CNTN6: variants seen among roughly 807,000 people sequenced by gnomAD.
The protein encoded by CNTN6 is contactin 6.
Under a neutral mutation model 122.8 loss-of-function variants are expected in CNTN6, and 137 were observed. The ratio of observed to expected loss-of-function variants is 1.12; its 90% CI spans 0.97 to 1.29. The LOEUF (loss-of-function observed/expected upper bound fraction) is 1.29. Ranked by LOEUF, CNTN6 falls within the 50% of genes most tolerant of loss-of-function variation. The pLI is 0.00. For synonymous variants in CNTN6, 570 were observed against 426.0 expected, an observed-to-expected ratio of 1.34 and a Z score of -4.16; for missense variants, 1,634 against 1,223.4, an observed-to-expected ratio of 1.34 and a Z score of -5.01.
At chr3:1,216,437 C>T (rs1159275960) in intron 2 of CNTN6, among the ~76,000 whole-genome samples, 1 of 151,976 alleles carries the variant, frequency 6.6e-6, no homozygotes, top group African/African-American at 2.4e-5. Context: ...AGGATATGTT[C>T]CTTTTCTTTT....
chr3:1,303,540 T>A (rs1337174661), intron 7 of CNTN6, among the ~76,000 whole-genome samples: 1 of 152,196 alleles, frequency 6.6e-6, no homozygotes, highest in Admixed American at 6.5e-5. Context: ...CTTTCCTAAA[T>A]AGCATCTAAA....
intron 2 of CNTN6, among the ~76,000 whole-genome samples, chr3:1,168,601 G>C (rs2093303886): frequency 6.6e-6 from 1 of 151,676 alleles, no homozygotes; most frequent in African/African-American, 2.4e-5. Context: ...GAATGTTGAG[G>C]GGCTCTGGGT....
At chr3:1,100,863 A>T (rs1305143998) in intron 1 of CNTN6, among the ~76,000 whole-genome samples, 1 of 151,980 alleles carries the variant, frequency 6.6e-6, no homozygotes, top group Non-Finnish European at 1.5e-5. Context: ...TTAGATTGTG[A>T]TTGTTTTACT....
intron 1 of CNTN6, among the ~76,000 whole-genome samples, chr3:1,116,862 G>C (rs1318951951): frequency 6.6e-6 from 1 of 151,934 alleles, no homozygotes; most frequent in Non-Finnish European, 1.5e-5. Context: ...CTGCCACCAC[G>C]CATGGCTAAT....
intron 7 of CNTN6, among the ~76,000 whole-genome samples, chr3:1,306,989 C>T (rs1246468561): frequency 6.6e-6 from 1 of 152,136 alleles, no homozygotes; most frequent in Non-Finnish European, 1.5e-5. Flanking sequence ...GTATTGAATA[C>T]CTCATTCCAT....
rs115101191 is a variant in CNTN6, at chr3:1,257,776, G to C, written c.359-20637G>C. Among the ~76,000 whole-genome samples the C allele has an allele frequency of 1.4e-3, 213 of 152,272 alleles. 1 individual carries two copies. Among genetic ancestry groups the C allele is most frequent in the African/African-American group, 4.6e-3 (193 of 41,560 alleles). On this transcript the variant is annotated intron_variant, in intron 4 of 22. Transcript: ENST00000446702. ...ATTCTACAAAGCTCAAAGCTACACC[G>C]AAGGGTCATATTTCTCCTCTAGAGA...
chr3:1,293,393 C>G (rs1695663068), intron 5 of CNTN6, among the ~76,000 whole-genome samples: 1 of 151,722 alleles, frequency 6.6e-6, no homozygotes, highest in Non-Finnish European at 1.5e-5. Flanking sequence ...GAGTTTGTCT[C>G]TATAGATCAG....
chr3:1,235,246 T>C (rs2094406616), intron 4 of CNTN6, among the ~76,000 whole-genome samples: 1 of 152,154 alleles, frequency 6.6e-6, no homozygotes, highest in Non-Finnish European at 1.5e-5. Flanking sequence ...CTATCAAAAC[T>C]GGGAGTTTCT....
In CNTN6 at chr3:1,348,157, CAAAAAA is replaced by C. The variant is rs532282828; in HGVS notation, c.1365-4153_1365-4148del. Reference sequence around the variant, plus strand: ...AATATTAGTATTTCTATGCTATAGACAAAAAAAAAAAAAAAAAAAGGACTTGGGCCA... The same window carrying C: ...AATATTAGTATTTCTATGCTATAGACAAAAAAAAAAAAAGGACTTGGGCCA... On this transcript the variant is annotated intron_variant, in intron 11 of 22. Coordinates refer to ENST00000446702, the MANE Select transcript of CNTN6 (RefSeq NM_001289080.2). 9.3e-5 allele frequency among the ~76,000 whole-genome samples: 6 copies of C among 64,288 alleles called. 1 individual carries two copies. The highest frequency in any genetic ancestry group is 1.7e-4 in the Non-Finnish European group (6 of 35,510). 42.2% of individuals were successfully genotyped at this position (64,288 alleles called of 152,430 possible).
intron 2 of CNTN6, among the ~76,000 whole-genome samples, chr3:1,154,217 G>A (rs1447795615): frequency 1.3e-5 from 2 of 152,104 alleles, no homozygotes; most frequent in African/African-American, 4.8e-5. Context: ...TCAGCACTGG[G>A]GGGAAATGAT....
chr3:1,338,310 C>T (rs17037967), intron 11 of CNTN6, among the ~76,000 whole-genome samples: 4,734 of 152,170 alleles, frequency 0.031, 124 homozygotes, highest in South Asian at 0.053. Context: ...TGATCATGCA[C>T]CATAAGAATC....
At chr3:1,288,628 T>C (rs1455892793) in intron 5 of CNTN6, among the ~76,000 whole-genome samples, 4 of 152,242 alleles carry the variant, frequency 2.6e-5, no homozygotes. Flanking sequence ...AAACATGCTA[T>C]CAATTTTGAG....
Position 1,383,136 on chromosome 3 carries a change from A to G in CNTN6, c.2361A>G (p.Gly787=), listed in dbSNP as rs755977768. 3.1e-6 allele frequency: 5 copies of G among 1,614,008 alleles called. No homozygotes were observed. Among genetic ancestry groups the G allele is most frequent in the Non-Finnish European group, 3.4e-6 (4 of 1,179,944 alleles). Residue 787 remains glycine, a synonymous_variant, in exon 18 of 23, where the codon GGA becomes GGG. Transcript: ENST00000446702. ...KVGVYNNEGE[G]SLSTVTIVYS... is the part of the protein sequence containing the mutation. ...GTGTGTATAATAATGAAGGAGAAGGATCCCTGAGTACTGTGACCATTGTCT... is the reference window on the plus strand; with the variant it reads ...GTGTGTATAATAATGAAGGAGAAGGGTCCCTGAGTACTGTGACCATTGTCT...
At chr3:1,209,535 T>C in intron 2 of CNTN6, among the ~76,000 whole-genome samples, 1 of 152,216 alleles carries the variant, frequency 6.6e-6, no homozygotes, top group East Asian at 1.9e-4. Flanking sequence ...AACTGATGCT[T>C]GATGTTCAAG....
chr3:1,328,762 T>C (rs1269830152), intron 10 of CNTN6, among the ~76,000 whole-genome samples: 1 of 151,704 alleles, frequency 6.6e-6, no homozygotes, highest in Non-Finnish European at 1.5e-5. Context: ...GAGCATGGCA[T>C]ACCCGAAAGA....
intron 20 of CNTN6, among the ~76,000 whole-genome samples, chr3:1,396,949 A>T (rs780947201): frequency 2.0e-5 from 3 of 152,244 alleles, no homozygotes; most frequent in African/African-American, 7.2e-5. Flanking sequence ...TTGTAATCTG[A>T]TATTTGATCT....
chr3:1,234,704 AC>A (rs574620368), intron 4 of CNTN6, among the ~76,000 whole-genome samples: 6,320 of 110,796 alleles, frequency 0.057, 431 homozygotes, highest in African/African-American at 0.21. Context: ...TCAGAAAAGA[AC>A]TAACTGAACA....
At chr3:1,313,591 T>C (rs1308850736) in intron 7 of CNTN6, among the ~76,000 whole-genome samples, 1 of 152,070 alleles carries the variant, frequency 6.6e-6, no homozygotes, top group African/African-American at 2.4e-5. Flanking sequence ...GCGTCCTTTT[T>C]TTTCCCCCAA....
chr3:1,181,940 G>A (rs960143266), intron 2 of CNTN6, among the ~76,000 whole-genome samples: 3 of 151,658 alleles, frequency 2.0e-5, no homozygotes, highest in South Asian at 2.1e-4. Flanking sequence ...GCCTATCATC[G>A]CTCTGACAAC....
Sources: gnomAD v4.1 joint callset for allele counts (sites outside exome capture counted in the v4.1 genomes callset) on GRCh38, gnomAD v4.1.1 for gene constraint, MANE v1.5 for transcripts, NCBI Gene and HGNC (gene_info 2026-07-23, HGNC 2026-07-21) for gene names.